UBL3: variants seen among roughly 807,000 people sequenced by gnomAD.
UBL3 encodes the protein ubiquitin-like protein 3.
Under a neutral mutation model 18.4 loss-of-function variants are expected in UBL3, and 6 were observed. The observed-to-expected ratio is 0.33, with a 90% CI of 0.18 to 0.64. The LOEUF is 0.64. Ranked by LOEUF, UBL3 falls within the 30% of genes least tolerant of loss-of-function variation. The pLI is 0.76. For synonymous variants in UBL3, 49 were observed against 46.6 expected (o/e 1.05, Z -0.21); for missense variants, 109 against 142.9 (o/e 0.76, Z 1.21).
At chr13:29,796,040 G>C (rs1053374503) in intron 1 of UBL3, among the ~76,000 whole-genome samples, 19 of 151,820 alleles carry the variant, frequency 1.3e-4, no homozygotes, top group African/African-American at 2.7e-4. Context: ...AGCCTGAAAA[G>C]AGAACAGAAG....
chr13:29,818,071 T>C (rs529034226), intron 1 of UBL3, among the ~76,000 whole-genome samples: 6 of 152,316 alleles, frequency 3.9e-5, no homozygotes, highest in African/African-American at 1.2e-4. Flanking sequence ...GAACATATTA[T>C]ATGCAAATGT....
chr13:29,831,921 T>C (rs956037969), intron 1 of UBL3, among the ~76,000 whole-genome samples: 1 of 152,222 alleles, frequency 6.6e-6, no homozygotes, highest in Non-Finnish European at 1.5e-5. Flanking sequence ...TAGATACACA[T>C]AGATATTTTC....
chr13:29,823,002 TAAG>T (rs374320681), intron 1 of UBL3, among the ~76,000 whole-genome samples: 49 of 152,350 alleles, frequency 3.2e-4, no homozygotes, highest in African/African-American at 8.7e-4. Flanking sequence ...TATTCATATG[TAAG>T]AAGAAGAATT....
chr13:29,831,479 T>G (rs896126657), intron 1 of UBL3, among the ~76,000 whole-genome samples: 7 of 151,736 alleles, frequency 4.6e-5, no homozygotes, highest in Middle Eastern at 3.4e-3. Flanking sequence ...TCCCAGCTAT[T>G]CGGGAGGCTG....
At chr13:29,786,803 A>C (rs1228928707) in intron 1 of UBL3, among the ~76,000 whole-genome samples, 2 of 152,182 alleles carry the variant, frequency 1.3e-5, no homozygotes, top group Non-Finnish European at 2.9e-5. Flanking sequence ...TTAAATGTTA[A>C]TATCAAATCC....
chr13:29,817,522 AG>A (rs1878316311), intron 1 of UBL3, among the ~76,000 whole-genome samples: 1 of 152,214 alleles, frequency 6.6e-6, no homozygotes. Flanking sequence ...GGGGAGGAAC[AG>A]GAAAGAGACC....
chr13:29,799,128 T>C (rs1170071218), intron 1 of UBL3, among the ~76,000 whole-genome samples: 1 of 152,192 alleles, frequency 6.6e-6, no homozygotes, highest in Non-Finnish European at 1.5e-5. Flanking sequence ...GGGAGCTGTT[T>C]TGTGCATTGT....
chr13:29,818,075 C>T (rs979187795), intron 1 of UBL3, among the ~76,000 whole-genome samples: 3 of 152,090 alleles, frequency 2.0e-5, no homozygotes, highest in Admixed American at 6.6e-5. Context: ...ATATTATATG[C>T]AAATGTTCTG....
At chr13:29,775,402 A>G (rs1876955070) in intron 2 of UBL3, among the ~76,000 whole-genome samples, 2 of 152,256 alleles carry the variant, frequency 1.3e-5, no homozygotes, top group Non-Finnish European at 2.9e-5. Context: ...ATATTATTTA[A>G]GGTTGAGAAA....
chr13:29,841,216 A>C (rs1879091924), intron 1 of UBL3, among the ~76,000 whole-genome samples: 4 of 152,026 alleles, frequency 2.6e-5, no homozygotes, highest in Admixed American at 2.0e-4. Context: ...ATATATATTT[A>C]CTTAAGACCA....
At chr13:29,814,042 C>T (rs1388600209) in intron 1 of UBL3, among the ~76,000 whole-genome samples, 2 of 152,048 alleles carry the variant, frequency 1.3e-5, no homozygotes, top group African/African-American at 4.8e-5. Context: ...GCTTCTTCAG[C>T]TTATTCAAGA....
intron 1 of UBL3, among the ~76,000 whole-genome samples, chr13:29,837,381 T>C (rs1311848453): frequency 6.6e-6 from 1 of 151,614 alleles, no homozygotes; most frequent in Non-Finnish European, 1.5e-5. Context: ...AAAACTAAAA[T>C]TAAAAACTCA....
At chr13:29,832,333 C>CTT (rs34577519) in intron 1 of UBL3, among the ~76,000 whole-genome samples, 33 of 140,958 alleles carry the variant, frequency 2.3e-4, no homozygotes, top group South Asian at 4.6e-4. Flanking sequence ...TACCTAATTT[C>CTT]TTTTTTTTTT....
At chr13:29,810,049 A>T (rs1593664461) in intron 1 of UBL3, among the ~76,000 whole-genome samples, 3 of 152,214 alleles carry the variant, frequency 2.0e-5, no homozygotes, top group African/African-American at 7.2e-5. Context: ...ACCTATGAAT[A>T]TGAAAGGCCC....
intron 1 of UBL3, among the ~76,000 whole-genome samples, chr13:29,788,885 ACGCGCACGTGTGTG>A (rs1877407520): frequency 7.3e-5 from 2 of 27,236 alleles, no homozygotes; most frequent in Non-Finnish European, 2.3e-4. Flanking sequence ...GCGCGCGCGC[ACGCGCACGTGTGTG>A]CGTGTGTGTG....
rs541238899 is a variant in UBL3 at position 29,776,653 on chromosome 13, A to G, written c.136+502T>C. 7.0e-4 allele frequency among the ~76,000 whole-genome samples: 106 copies of G among 152,096 alleles called. 3 individuals carry two copies. In the South Asian group the frequency reaches 0.022, roughly 31 times the overall value. ...TTTGGGAGGCCGAGGTGGGTGGATCACAAGGTCAAGAGATCGAGACCATCC... is the reference window on the plus strand; with the variant it reads ...TTTGGGAGGCCGAGGTGGGTGGATCGCAAGGTCAAGAGATCGAGACCATCC... On this transcript the variant is annotated intron_variant, in intron 2 of 4. Transcript: ENST00000380680.
chr13:29,770,405 T>C (rs565079346), intron 3 of UBL3, among the ~76,000 whole-genome samples: 89 of 152,238 alleles, frequency 5.8e-4, no homozygotes, highest in Non-Finnish European at 9.0e-4. Context: ...AGTCAATCTG[T>C]TCATTATTCT....
At chr13:29,799,888 T>C (rs1237782010) in intron 1 of UBL3, among the ~76,000 whole-genome samples, 1 of 152,182 alleles carries the variant, frequency 6.6e-6, no homozygotes, top group Non-Finnish European at 1.5e-5. Flanking sequence ...TTTTTGCTTA[T>C]TTTCAAAATA....
At chr13:29,790,674 G>C (rs977433517) in intron 1 of UBL3, among the ~76,000 whole-genome samples, 1 of 152,030 alleles carries the variant, frequency 6.6e-6, no homozygotes, top group African/African-American at 2.4e-5. Context: ...ATATTAAAAG[G>C]GCACAGAATT....
Sources: allele counts gnomAD v4.1 joint callset (sites outside exome capture counted in the v4.1 genomes callset), GRCh38; gene constraint gnomAD v4.1.1; transcripts MANE v1.5; gene names NCBI Gene and HGNC (gene_info 2026-07-23, HGNC 2026-07-21).